ST7: variants seen among roughly 807,000 people sequenced by gnomAD.
The protein encoded by ST7 is suppression of tumorigenicity 7.
Under a neutral mutation model 78.7 loss-of-function variants are expected in ST7, and 28 were observed. The observed-to-expected ratio is 0.36, with a 90% CI of 0.26 to 0.49. The LOEUF (loss-of-function observed/expected upper bound fraction) is 0.49. Among genes scored for constraint, ST7 ranks in the 20% least tolerant of loss-of-function variants. The pLI is 0.99. For missense variants in ST7, 418 were observed against 696.0 expected (o/e 0.60, Z 4.49); for synonymous variants, 247 against 249.6 (o/e 0.99, Z 0.10).
chr7:117,212,493 C>A (rs1168175714), intron 13 of ST7, among the ~76,000 whole-genome samples: 1 of 152,142 alleles, frequency 6.6e-6, no homozygotes, highest in Non-Finnish European at 1.5e-5. Flanking sequence ...ATTTATTACA[C>A]CTGATCTCTC....
intron 1 of ST7, among the ~76,000 whole-genome samples, chr7:117,026,099 T>C (rs184741053): frequency 9.8e-5 from 15 of 152,302 alleles, no homozygotes; most frequent in Admixed American, 9.8e-4. Flanking sequence ...ATGGGGAAAA[T>C]TACCATATAT....
intron 1 of ST7, among the ~76,000 whole-genome samples, chr7:117,038,881 A>G (rs2042766785): frequency 6.6e-6 from 1 of 152,124 alleles, no homozygotes; most frequent in African/African-American, 2.4e-5. Context: ...CCACTCAATG[A>G]TATCTTCTCT....
intron 13 of ST7, among the ~76,000 whole-genome samples, chr7:117,217,374 A>G (rs955378137): frequency 6.6e-6 from 1 of 152,150 alleles, no homozygotes; most frequent in Admixed American, 6.5e-5. Flanking sequence ...TTTATGGGAA[A>G]TGGCATTAAA....
intron 8 of ST7, among the ~76,000 whole-genome samples, chr7:117,138,003 A>C (rs543022675): frequency 3.3e-5 from 5 of 152,224 alleles, no homozygotes; most frequent in African/African-American, 1.2e-4. Context: ...AGTGTTAGGG[A>C]AAGAATAATA....
intron 1 of ST7, among the ~76,000 whole-genome samples, chr7:117,006,567 A>G (rs892210234): frequency 2.0e-5 from 3 of 152,364 alleles, no homozygotes; most frequent in African/African-American, 7.2e-5. Context: ...AACAAATGTA[A>G]GAACAGAAAT....
At chr7:116,962,077 C>G (rs1340341364) in intron 1 of ST7, among the ~76,000 whole-genome samples, 1 of 152,092 alleles carries the variant, frequency 6.6e-6, no homozygotes, top group Non-Finnish European at 1.5e-5. Flanking sequence ...AGGATGGTGG[C>G]TTACAGCTTC....
At chr7:117,097,880 CTATATATATATATATATA>C (rs373598650) in intron 1 of ST7, among the ~76,000 whole-genome samples, 1 of 10,590 alleles carries the variant, frequency 9.4e-5, no homozygotes, top group Non-Finnish European at 2.5e-4. Flanking sequence ...TGACATATCA[CTATATATATATATATATA>C]TATATATATA....
intron 1 of ST7, among the ~76,000 whole-genome samples, chr7:117,059,820 A>AG: frequency 6.6e-6 from 1 of 150,956 alleles, no homozygotes; most frequent in East Asian, 1.9e-4. Flanking sequence ...AAAAAAAAAA[A>AG]AAAAAAAAAA....
intron 7 of ST7, 51 bp from the exon 8 acceptor site, chr7:117,136,030 T>C (rs555849640): frequency 1.3e-6 from 2 of 1,596,188 alleles, no homozygotes; most frequent in South Asian, 2.3e-5. Flanking sequence ...TACAGTCTAT[T>C]ACCATGTCCT....
chr7:117,227,875 C>T (rs573438786), intron 15 of ST7, among the ~76,000 whole-genome samples: 1 of 152,282 alleles, frequency 6.6e-6, no homozygotes, highest in South Asian at 2.1e-4. Flanking sequence ...ACCTGGCACC[C>T]GCTTGAGGAT....
intron 2 of ST7, among the ~76,000 whole-genome samples, chr7:117,102,730 G>T (rs1452152720): frequency 6.6e-6 from 1 of 151,944 alleles, no homozygotes; most frequent in Non-Finnish European, 1.5e-5. Context: ...ATGAAAAGGG[G>T]AGATCAGTTT....
chr7:117,201,672 C>T (rs1584587504), intron 12 of ST7, among the ~76,000 whole-genome samples: 1 of 152,120 alleles, frequency 6.6e-6, no homozygotes, highest in East Asian at 1.9e-4. Context: ...AATCCTCCCA[C>T]CTCAGCCTCC....
rs187286706 is a variant in ST7 at position 117,009,918 on chromosome 7, G to A, written c.151+56227G>A. The stretch of plus-strand genomic sequence containing the variant: ...CTGTGCTTTGCAGCCACTGAGAACC[G>A]GGGATCCTGCCACTATTGCCACCAT... On this transcript the variant is annotated intron_variant, in intron 1 of 15. Transcript: ENST00000323984. Among the ~76,000 whole-genome samples, 237 of 152,254 alleles carry A rather than the reference G, an allele frequency of 1.6e-3. 1 individual carries two copies. Among genetic ancestry groups the A allele is most frequent in the African/African-American group, 5.4e-3 (226 of 41,552 alleles).
chr7:116,961,029 G>C (rs777342590), intron 1 of ST7, among the ~76,000 whole-genome samples: 99 of 152,162 alleles, frequency 6.5e-4, no homozygotes, highest in Non-Finnish European at 1.4e-3. Context: ...TTTTGCATAT[G>C]GCTAGCCAGA....
At chr7:117,006,781 C>A (rs1483543313) in intron 1 of ST7, among the ~76,000 whole-genome samples, 1 of 152,200 alleles carries the variant, frequency 6.6e-6, no homozygotes, top group African/African-American at 2.4e-5. Context: ...CTTCATGTCT[C>A]TGACTCACAT....
chr7:117,001,297 G>A (rs1001584971), intron 1 of ST7, among the ~76,000 whole-genome samples: 2 of 146,888 alleles, frequency 1.4e-5, no homozygotes, highest in African/African-American at 2.6e-5. Flanking sequence ...GTATGTATTT[G>A]TATATTTCCA....
chr7:117,198,351 T>G (rs1375370448), intron 12 of ST7: 1 of 456,306 alleles, frequency 2.2e-6, no homozygotes, highest in East Asian at 7.0e-5. Context: ...CCTAGAAACA[T>G]GCATTAACAG....
At chr7:117,162,848 G>C (rs1807262588) in intron 9 of ST7, among the ~76,000 whole-genome samples, 1 of 152,026 alleles carries the variant, frequency 6.6e-6, no homozygotes, top group African/African-American at 2.4e-5. Flanking sequence ...ATCCTACACT[G>C]GTATGGAACA....
chr7:117,050,736 C>G (rs1797743470), intron 1 of ST7, among the ~76,000 whole-genome samples: 1 of 152,098 alleles, frequency 6.6e-6, no homozygotes. Flanking sequence ...CTAGACCACC[C>G]TGGCCAACGT....
Sources: allele counts gnomAD v4.1 joint callset (sites outside exome capture counted in the v4.1 genomes callset), GRCh38; gene constraint gnomAD v4.1.1; transcripts MANE v1.5; gene names NCBI Gene and HGNC (gene_info 2026-07-23, HGNC 2026-07-21).